Variants in SEMA3A observed in about 807,000 individuals in gnomAD.
SEMA3A encodes the protein semaphorin 3A, also known as semaphorin-3A.
SEMA3A carries 29 observed loss-of-function variants against 97.9 expected under a neutral mutation model. The observed-to-expected ratio is 0.30, with a 90% CI of 0.22 to 0.40. The LOEUF (loss-of-function observed/expected upper bound fraction) is 0.40. Ranked by LOEUF, SEMA3A falls within the 10% of genes least tolerant of loss-of-function variation. The pLI is 1.00. For synonymous variants in SEMA3A, 321 were observed against 323.7 expected, an observed-to-expected ratio of 0.99 and a Z score of 0.09; for missense variants, 763 against 951.3, an observed-to-expected ratio of 0.80 and a Z score of 2.60.
chr7:84,060,439 T>A, intron 5 of SEMA3A, 26 bp downstream of exon 5: 2 of 1,411,318 alleles, frequency 1.4e-6, no homozygotes, highest in Non-Finnish European at 1.9e-6. Context: ...GAAAACTCAC[T>A]ATTTAATTGA....
intron 3 of SEMA3A, among the ~76,000 whole-genome samples, chr7:84,280,187 G>A (rs1433415733): frequency 1.3e-5 from 2 of 152,094 alleles, no homozygotes; most frequent in African/African-American, 4.8e-5. Context: ...GTGAGACACT[G>A]CACCAAGCCT....
At position 84,374,702 on chromosome 7, in the gene SEMA3A, G is replaced by A. The variant is rs117161630; in HGVS notation, c.-245-2802C>T. ...TTTTAAGAGAGAAGAGTTGGACTTAGATGTAAAAATGGAAAAGCAAGCTTC... is the reference window on the plus strand; with the variant it reads ...TTTTAAGAGAGAAGAGTTGGACTTAAATGTAAAAATGGAAAAGCAAGCTTC... On this transcript the variant is annotated intron_variant, in intron 1 of 3. Coordinates refer to the SEMA3A transcript ENST00000424555. 5.8e-3 allele frequency among the ~76,000 whole-genome samples: 886 copies of A among 152,346 alleles called. 8 individuals carry two copies. The highest frequency in any genetic ancestry group is 0.037 in the East Asian group (192 of 5,194).
rs201008229 is a variant in SEMA3A at position 84,444,564 on chromosome 7, CTTTTTT to C, written c.-246+47890_-246+47895del. ...TACAGTGATTTTCTTTTCTTTTTTT[CTTTTTT>C]TTTTTTTTTGAGACGGAGTCTGGCT... On this transcript the variant is annotated intron_variant, in intron 1 of 3. Transcript: ENST00000424555. 1.5e-3 allele frequency among the ~76,000 whole-genome samples: 208 copies of C among 138,788 alleles called. 3 individuals carry two copies. In the East Asian group the frequency reaches 0.041, roughly 27 times the overall value. 91.1% of individuals were successfully genotyped at this position (138,788 alleles called of 152,430 possible). A position where few individuals can be genotyped will look rare whatever the true frequency, so the allele number is the denominator to read the frequency against.
At chr7:84,186,358 A>C (rs1797884472) in intron 1 of SEMA3A, among the ~76,000 whole-genome samples, 1 of 152,186 alleles carries the variant, frequency 6.6e-6, no homozygotes, top group Non-Finnish European at 1.5e-5. Context: ...CATAGAACGC[A>C]AGTAAGAAAT....
chr7:83,988,195 T>G (rs1445743453), intron 12 of SEMA3A, among the ~76,000 whole-genome samples: 1 of 152,072 alleles, frequency 6.6e-6, no homozygotes, highest in Admixed American at 6.6e-5. Flanking sequence ...TTTTCTTCCC[T>G]AATAAGCTCT....
At chr7:84,109,071 A>G (rs772829508) in intron 4 of SEMA3A, among the ~76,000 whole-genome samples, 5 of 152,144 alleles carry the variant, frequency 3.3e-5, no homozygotes, top group Non-Finnish European at 7.3e-5. Context: ...TAGAAAAGTG[A>G]GACAATCACC....
chr7:84,129,038 AT>A, intron 3 of SEMA3A, 84 bp downstream of exon 3: 4 of 1,053,988 alleles, frequency 3.8e-6, no homozygotes, highest in Non-Finnish European at 5.9e-6. Context: ...ACACAAAAAA[AT>A]CAGAAATTTG....
chr7:84,219,055 A>C (rs1391174920), intron 3 of SEMA3A, among the ~76,000 whole-genome samples: 2 of 152,130 alleles, frequency 1.3e-5, no homozygotes, highest in Non-Finnish European at 2.9e-5. Flanking sequence ...ACTCTACATA[A>C]TCCTTTCCCT....
chr7:84,452,374 A>T (rs1331847991), intron 1 of SEMA3A, among the ~76,000 whole-genome samples: 1 of 152,192 alleles, frequency 6.6e-6, no homozygotes. Context: ...GGCCATGGGC[A>T]CCTTAGTGGA....
chr7:84,018,012 C>T (rs1166192086), intron 6 of SEMA3A, among the ~76,000 whole-genome samples: 1 of 152,090 alleles, frequency 6.6e-6, no homozygotes, highest in Non-Finnish European at 1.5e-5. Flanking sequence ...TTTTCCTAAA[C>T]AAGAACCCTA....
At chr7:83,971,899 G>A (rs1478198669) in intron 15 of SEMA3A, among the ~76,000 whole-genome samples, 2 of 151,970 alleles carry the variant, frequency 1.3e-5, no homozygotes, top group Non-Finnish European at 2.9e-5. Flanking sequence ...CCAGGATATA[G>A]CATTTAGAAT....
chr7:84,098,349 T>C (rs913663431), intron 4 of SEMA3A, among the ~76,000 whole-genome samples: 20 of 152,070 alleles, frequency 1.3e-4, no homozygotes, highest in Non-Finnish European at 2.9e-5. Flanking sequence ...GTAAAAAATA[T>C]AGTTATATTT....
chr7:84,477,620 G>T (rs184619751), intron 1 of SEMA3A, among the ~76,000 whole-genome samples: 2 of 151,882 alleles, frequency 1.3e-5, no homozygotes, highest in Admixed American at 6.6e-5. Context: ...TCATCATCTT[G>T]TGTGAAAAGA....
intron 4 of SEMA3A, 93 bp from the exon 5 acceptor site, chr7:84,060,651 T>C (rs776668967): frequency 1.2e-5 from 9 of 737,656 alleles, no homozygotes; most frequent in Non-Finnish European, 1.9e-5. Flanking sequence ...ATGTCAAGTA[T>C]TCATGTCCAA....
Position 84,386,080 on chromosome 7 carries a change from C to A in SEMA3A, c.-245-14180G>T, listed in dbSNP as rs537766590. Among the ~76,000 whole-genome samples, 4 of 152,246 alleles carry A rather than the reference C, an allele frequency of 2.6e-5. No individual in the cohort carries two copies. In the East Asian group the frequency reaches 7.7e-4, roughly 29 times the overall value. On this transcript the variant is annotated intron_variant, in intron 1 of 3. Transcript: ENST00000424555. ...ATGTGTTTCCATTTTTCCAAAGTCA[C>A]TAATATCAGTTCTCTCTCTGTTTGC...
At chr7:84,132,419 TTTGA>T (rs1795987719) in intron 2 of SEMA3A, among the ~76,000 whole-genome samples, 1 of 152,016 alleles carries the variant, frequency 6.6e-6, no homozygotes, top group Non-Finnish European at 1.5e-5. Context: ...TATTTTATAA[TTTGA>T]TTATTTTCAG....
At chr7:84,270,221 A>C (rs1800108542) in intron 3 of SEMA3A, among the ~76,000 whole-genome samples, 2 of 152,038 alleles carry the variant, frequency 1.3e-5, no homozygotes, top group Non-Finnish European at 2.9e-5. Context: ...TTTGGGAATA[A>C]GGTAGAGAAA....
intron 3 of SEMA3A, among the ~76,000 whole-genome samples, chr7:84,306,858 A>T (rs977653718): frequency 6.6e-6 from 1 of 152,086 alleles, no homozygotes; most frequent in Non-Finnish European, 1.5e-5. Flanking sequence ...ATTTTTGTGG[A>T]TAGCAATATG....
At chr7:84,453,712 T>A (rs1729657301) in intron 1 of SEMA3A, among the ~76,000 whole-genome samples, 1 of 152,190 alleles carries the variant, frequency 6.6e-6, no homozygotes, top group East Asian at 1.9e-4. Context: ...GTGTACATTA[T>A]CTCAGTAATA....
Sources: allele counts gnomAD v4.1 joint callset (sites outside exome capture counted in the v4.1 genomes callset), GRCh38; gene constraint gnomAD v4.1.1; transcripts MANE v1.5; gene names NCBI Gene and HGNC (gene_info 2026-07-23, HGNC 2026-07-21).